Variants in HNRNPLL observed in about 807,000 individuals in gnomAD.
The protein encoded by HNRNPLL is heterogeneous nuclear ribonucleoprotein L like.
HNRNPLL carries 25 observed loss-of-function variants against 67.1 expected under a neutral mutation model. The ratio of observed to expected loss-of-function variants is 0.37; its 90% CI spans 0.27 to 0.52. HNRNPLL has a LOEUF of 0.52. Ranked by LOEUF, HNRNPLL falls within the 20% of genes least tolerant of loss-of-function variation. The pLI is 0.90. For missense variants in HNRNPLL, 542 were observed against 673.9 expected (o/e 0.80, Z 2.17); for synonymous variants, 267 against 241.7 (o/e 1.10, Z -0.97).
At chr2:38,601,763 G>C (rs549537598) in intron 1 of HNRNPLL, 27 of 152,348 alleles carry the variant, frequency 1.8e-4, no homozygotes, top group African/African-American at 6.3e-4. Flanking sequence ...CTTGAAGGTA[G>C]GGGTGTACCA....
chr2:38,590,376 G>C (rs1207076691), intron 2 of HNRNPLL, among the ~76,000 whole-genome samples: 1 of 152,112 alleles, frequency 6.6e-6, no homozygotes, highest in East Asian at 1.9e-4. Context: ...GAAGCAGTAA[G>C]GGTAAGTATC....
intron 4 of HNRNPLL, 53 bp downstream of exon 4, chr2:38,583,788 A>T: frequency 1.2e-6 from 1 of 853,990 alleles, no homozygotes; most frequent in Non-Finnish European, 1.8e-6. Context: ...AAGCCAGAAA[A>T]AATAAGATCC....
At chr2:38,585,296 A>G (rs1666682306) in intron 3 of HNRNPLL, among the ~76,000 whole-genome samples, 1 of 152,246 alleles carries the variant, frequency 6.6e-6, no homozygotes. Flanking sequence ...GGATTCTGTC[A>G]CTACCTAGTA....
intron 2 of HNRNPLL, among the ~76,000 whole-genome samples, chr2:38,588,779 T>G (rs1245973985): frequency 6.6e-6 from 1 of 152,112 alleles, no homozygotes; most frequent in Non-Finnish European, 1.5e-5. Context: ...TGGTGGCTTG[T>G]GCCTACAGTC....
chr2:38,585,910 CAA>C (rs1377165822), intron 2 of HNRNPLL, 29 bp from the exon 3 acceptor site: 9 of 1,264,122 alleles, frequency 7.1e-6, no homozygotes, highest in Non-Finnish European at 9.2e-6. Context: ...AGGAAACACA[CAA>C]ACACAGCAAG....
At chr2:38,571,940 G>C (rs993373119) in intron 8 of HNRNPLL, among the ~76,000 whole-genome samples, 3 of 152,074 alleles carry the variant, frequency 2.0e-5, no homozygotes, top group Non-Finnish European at 2.9e-5. Flanking sequence ...AAAAGACATA[G>C]ATCTACTAAA....
chr2:38,574,772 A>T (rs1362686806), intron 7 of HNRNPLL, among the ~76,000 whole-genome samples: 1 of 151,558 alleles, frequency 6.6e-6, no homozygotes, highest in Non-Finnish European at 1.5e-5. Flanking sequence ...GATTTCAACT[A>T]CTCCTTTTAT....
At chr2:38,574,662 A>C (rs920122374) in intron 7 of HNRNPLL, among the ~76,000 whole-genome samples, 3 of 151,828 alleles carry the variant, frequency 2.0e-5, no homozygotes, top group Non-Finnish European at 4.4e-5. Context: ...CAACACAGTA[A>C]CACCACCACC....
chr2:38,589,999 G>A (rs893607204), intron 2 of HNRNPLL, among the ~76,000 whole-genome samples: 6 of 152,154 alleles, frequency 3.9e-5, no homozygotes, highest in African/African-American at 1.4e-4. Flanking sequence ...AAAGGTCTAA[G>A]GAGTCTGTCT....
chr2:38,595,272 TAAAAAA>T lies in HNRNPLL; in HGVS notation c.190-3630_190-3625del, dbSNP rs70954734. Among the ~76,000 whole-genome samples, 61 of 68,774 alleles carry T rather than the reference TAAAAAA, an allele frequency of 8.9e-4. 3 individuals are homozygous for T. In the East Asian group the frequency reaches 0.02, roughly 23 times the overall value. 45.1% of individuals were successfully genotyped at this position (68,774 alleles called of 152,430 possible). A position where few individuals can be genotyped will look rare whatever the true frequency, so the allele number is the denominator to read the frequency against. ...CCTGGGTGATGAGCAAGACCTTGTC[TAAAAAA>T]AAAAAAAAAAAAAAAAAAAGAAAAG... On this transcript the variant is annotated intron_variant, in intron 1 of 12. Transcript: ENST00000449105.
intron 6 of HNRNPLL, among the ~76,000 whole-genome samples, chr2:38,580,372 T>C (rs1224814227): frequency 6.6e-6 from 1 of 152,144 alleles, no homozygotes; most frequent in East Asian, 1.9e-4. Flanking sequence ...TATTTGCAAT[T>C]TCATGCATAA....
At chr2:38,576,857 A>G (rs956440908) in intron 7 of HNRNPLL, among the ~76,000 whole-genome samples, 1 of 152,108 alleles carries the variant, frequency 6.6e-6, no homozygotes, top group Non-Finnish European at 1.5e-5. Flanking sequence ...GATTCTACTT[A>G]TAAGAACAAT....
chr2:38,593,707 T>G (rs925414231), intron 1 of HNRNPLL, among the ~76,000 whole-genome samples: 28 of 151,860 alleles, frequency 1.8e-4, no homozygotes, highest in Admixed American at 2.0e-4. Context: ...GCCAAGATGG[T>G]GAAACTCCGT....
At chr2:38,587,397 C>G (rs1466802518) in intron 2 of HNRNPLL, among the ~76,000 whole-genome samples, 9 of 152,164 alleles carry the variant, frequency 5.9e-5, no homozygotes, top group African/African-American at 2.2e-4. Context: ...ATTCATCTTT[C>G]TGTCCTCAGA....
intron 8 of HNRNPLL, 52 bp downstream of exon 8, chr2:38,573,156 CAG>C (rs1460979389): frequency 1.6e-6 from 2 of 1,213,682 alleles, no homozygotes; most frequent in Non-Finnish European, 2.3e-6. Context: ...GCAGCCTTTT[CAG>C]AGTTACCACT....
chr2:38,593,800 C>A (rs139087239), intron 1 of HNRNPLL, among the ~76,000 whole-genome samples: 2 of 150,462 alleles, frequency 1.3e-5, no homozygotes, highest in Non-Finnish European at 3.0e-5. Context: ...GAGGCACAGG[C>A]TGCAGTGAGC....
At chr2:38,592,618 G>GT (rs1363655751) in intron 1 of HNRNPLL, among the ~76,000 whole-genome samples, 2 of 152,208 alleles carry the variant, frequency 1.3e-5, no homozygotes, top group Non-Finnish European at 2.9e-5. Flanking sequence ...GTTTCAAAAT[G>GT]TAAGAATATG....
chr2:38,591,656 G>A lies in HNRNPLL; in HGVS notation c.190-8C>T, dbSNP rs564010123. 1.1e-5 allele frequency: 17 copies of A among 1,587,780 alleles called. No homozygotes were observed. The African/African-American group carries it at 1.9e-4, about 18-fold the overall frequency. The stretch of plus-strand genomic sequence containing the variant: ...ATGACTTCCACCTGCCTCCTAGCAA[G>A]AGAAAATAATTTCTAGTTAAAAAAA... On this transcript the variant is annotated splice_region_variant and splice_polypyrimidine_tract_variant and intron_variant, in intron 1 of 12. Transcript: ENST00000449105.
chr2:38,600,904 C>T (rs760788832), intron 1 of HNRNPLL, among the ~76,000 whole-genome samples: 6 of 152,128 alleles, frequency 3.9e-5, no homozygotes, highest in Non-Finnish European at 8.8e-5. Context: ...TGATTTAATG[C>T]TTTATCTGTT....
Sources: gnomAD v4.1 joint callset for allele counts (sites outside exome capture counted in the v4.1 genomes callset) on GRCh38, gnomAD v4.1.1 for gene constraint, MANE v1.5 for transcripts, NCBI Gene and HGNC (gene_info 2026-07-23, HGNC 2026-07-21) for gene names.